PRKN: variants seen among roughly 807,000 people sequenced by gnomAD.
The protein encoded by PRKN is E3 ubiquitin-protein ligase parkin.
A neutral mutation model predicts 59.5 loss-of-function variants in PRKN; 56 were observed. The observed-to-expected ratio is 0.94, with a 90% CI of 0.76 to 1.18. The LOEUF (loss-of-function observed/expected upper bound fraction) is 1.18, where lower values mean the gene tolerates loss of function less well. Ranked by LOEUF, PRKN falls within the 50% of genes most tolerant of loss-of-function variation. PRKN has a pLI of 0.00. For missense variants in PRKN, 657 were observed against 596.4 expected, an observed-to-expected ratio of 1.10 and a Z score of -1.06; for synonymous variants, 250 against 222.1, an observed-to-expected ratio of 1.13 and a Z score of -1.12.
At chr6:161,907,416 C>T (rs561522267) in intron 6 of PRKN, among the ~76,000 whole-genome samples, 8 of 152,234 alleles carry the variant, frequency 5.3e-5, no homozygotes, top group Middle Eastern at 3.4e-3. Context: ...AAATTATTTC[C>T]GCAACATAAC....
intron 7 of PRKN, among the ~76,000 whole-genome samples, chr6:161,632,339 C>T (rs985172055): frequency 1.3e-5 from 2 of 152,080 alleles, no homozygotes; most frequent in African/African-American, 4.8e-5. Flanking sequence ...AAATGGCAAC[C>T]CAGGCAGACA....
intron 1 of PRKN, among the ~76,000 whole-genome samples, chr6:162,635,971 T>G (rs114856953): frequency 0.018 from 2,689 of 152,242 alleles, 71 homozygotes; most frequent in African/African-American, 0.062. Context: ...AGAAAAAGGC[T>G]TCCAAATGAA....
chr6:161,553,605 T>C (rs1780122519), intron 8 of PRKN, among the ~76,000 whole-genome samples: 1 of 152,242 alleles, frequency 6.6e-6, no homozygotes, highest in African/African-American at 2.4e-5. Flanking sequence ...AAAAATGATA[T>C]TTTAATTCAA....
chr6:161,802,530 C>A (rs1221392754), intron 6 of PRKN, among the ~76,000 whole-genome samples: 1 of 152,060 alleles, frequency 6.6e-6, no homozygotes, highest in East Asian at 1.9e-4. Flanking sequence ...TGGCTCCCAG[C>A]CTTTCTCCGG....
intron 7 of PRKN, among the ~76,000 whole-genome samples, chr6:161,623,683 T>C (rs1782988523): frequency 6.6e-6 from 1 of 152,242 alleles, no homozygotes; most frequent in Non-Finnish European, 1.5e-5. Context: ...CCTTAGTGCC[T>C]GTGTATACTC....
At chr6:162,707,887 G>A (rs1484809144) in intron 1 of PRKN, among the ~76,000 whole-genome samples, 23 of 151,856 alleles carry the variant, frequency 1.5e-4, no homozygotes, top group Admixed American at 1.4e-3. Flanking sequence ...GCTAATATTT[G>A]TATTTTTAGT....
chr6:162,347,561 G>C (rs1240438315), intron 2 of PRKN, among the ~76,000 whole-genome samples: 1 of 151,976 alleles, frequency 6.6e-6, no homozygotes, highest in African/African-American at 2.4e-5. Flanking sequence ...ATGTGTGTTT[G>C]AATAAAGAGA....
intron 5 of PRKN, among the ~76,000 whole-genome samples, chr6:161,979,737 G>T (rs1333346174): frequency 1.3e-5 from 2 of 152,000 alleles, no homozygotes; most frequent in African/African-American, 4.8e-5. Context: ...CCTCCTCACT[G>T]TCGAAGCCTG....
intron 6 of PRKN, among the ~76,000 whole-genome samples, chr6:161,803,026 C>T (rs577962485): frequency 2.6e-4 from 40 of 152,112 alleles, no homozygotes; most frequent in Non-Finnish European, 5.1e-4. Flanking sequence ...TGAAAACTCC[C>T]ATGTGAAAGA....
intron 6 of PRKN, among the ~76,000 whole-genome samples, chr6:161,802,766 C>T (rs1043780197): frequency 1.2e-4 from 19 of 152,142 alleles, no homozygotes; most frequent in African/African-American, 4.3e-4. Context: ...CCTTCTTACT[C>T]GCAATGCCTC....
intron 2 of PRKN, among the ~76,000 whole-genome samples, chr6:162,391,248 C>A (rs892384672): frequency 2.0e-5 from 3 of 151,692 alleles, no homozygotes; most frequent in Non-Finnish European, 4.4e-5. Context: ...TTTCTTACTG[C>A]GCATGCTTGA....
intron 7 of PRKN, among the ~76,000 whole-genome samples, chr6:161,722,553 C>T (rs185293773): frequency 1.3e-5 from 2 of 152,248 alleles, no homozygotes; most frequent in Admixed American, 6.5e-5. Flanking sequence ...TTCTAACAGT[C>T]TATTTTCTGG....
chr6:161,804,768 T>C (rs1227083250), intron 6 of PRKN, among the ~76,000 whole-genome samples: 2 of 152,222 alleles, frequency 1.3e-5, no homozygotes, highest in African/African-American at 2.4e-5. Flanking sequence ...GTTTCAAACA[T>C]CTTCCAGCAC....
chr6:161,813,875 A>G (rs906927940), intron 6 of PRKN, among the ~76,000 whole-genome samples: 1 of 152,160 alleles, frequency 6.6e-6, no homozygotes, highest in African/African-American at 2.4e-5. Context: ...TGGGTTCCTC[A>G]CTACCACTGC....
Position 161,581,226 on chromosome 6 carries a change from T to G in PRKN, c.872-11810A>C, listed in dbSNP as rs1007408773. 4.9e-4 allele frequency among the ~76,000 whole-genome samples: 75 copies of G among 151,938 alleles called. No homozygotes were observed. The highest frequency in any genetic ancestry group is 9.3e-4 in the Non-Finnish European group (63 of 67,960). On this transcript the variant is annotated intron_variant, in intron 7 of 11. Transcript: ENST00000366898. This position sits in a 1 kb window ranked among gnomAD's most constrained non-coding sequence, Gnocchi z 4.5. ...TCTGTCTCAAAAAAAAAAAAAAAGT[T>G]TCTCTATGTATCAATTTTTATTTTA... is the stretch of plus-strand genomic sequence containing the variant.
rs528585392 is a variant in PRKN, at chr6:161,868,494, T to A, written c.735-82586A>T. Among the ~76,000 whole-genome samples, 7 of 152,168 alleles carry A rather than the reference T, an allele frequency of 4.6e-5. No homozygotes were observed. The South Asian group carries it at 1.5e-3, about 32-fold the overall frequency. On this transcript the variant is annotated intron_variant, in intron 6 of 11. Transcript: ENST00000366898. ...TACCCAGGAGGCTGAGGCAGGAGAATCACTTAAACCCAGGAGGCAGAGGTT... is the reference window on the plus strand; with the variant it reads ...TACCCAGGAGGCTGAGGCAGGAGAAACACTTAAACCCAGGAGGCAGAGGTT...
chr6:162,608,255 G>A (rs987670898), intron 1 of PRKN, among the ~76,000 whole-genome samples: 3 of 152,206 alleles, frequency 2.0e-5, no homozygotes, highest in African/African-American at 4.8e-5. Context: ...TAGACTGGAG[G>A]TCCTAATGTA....
At chr6:161,792,297 C>T (rs914635770) in intron 6 of PRKN, among the ~76,000 whole-genome samples, 8 of 152,080 alleles carry the variant, frequency 5.3e-5, no homozygotes, top group South Asian at 2.1e-4. Flanking sequence ...AGGAGGAGGT[C>T]ATATATAGGT....
intron 6 of PRKN, among the ~76,000 whole-genome samples, chr6:161,823,160 C>A (rs2128216809): frequency 6.6e-6 from 1 of 150,998 alleles, no homozygotes; most frequent in East Asian, 2.0e-4. Flanking sequence ...TAATCTCAAA[C>A]CCCTGGGCTC....
Sources: allele counts gnomAD v4.1 joint callset (sites outside exome capture counted in the v4.1 genomes callset), GRCh38; gene constraint gnomAD v4.1.1; non-coding constraint Gnocchi (gnomAD v3.1); transcripts MANE v1.5; gene names NCBI Gene and HGNC (gene_info 2026-07-23, HGNC 2026-07-21).